The following NEGR1 variants were observed in gnomAD, a reference collection of about 807,000 sequenced individuals.
NEGR1 encodes the protein neuronal growth regulator 1.
A neutral mutation model predicts 40.9 loss-of-function variants in NEGR1; 10 were observed. The ratio of observed to expected loss-of-function variants is 0.24; its 90% CI spans 0.15 to 0.42. NEGR1 has a LOEUF of 0.42. NEGR1 is among the 10% of genes least tolerant of loss of function. The pLI is 1.00. For missense variants in NEGR1, 352 were observed against 438.9 expected (o/e 0.80, Z 1.77); for synonymous variants, 185 against 166.8 (o/e 1.11, Z -0.84).
intron 4 of NEGR1, among the ~76,000 whole-genome samples, chr1:71,677,326 G>A (rs1364715020): frequency 6.6e-6 from 1 of 151,914 alleles, no homozygotes; most frequent in Non-Finnish European, 1.5e-5. Context: ...TTTACTGCAT[G>A]CTTCTTAATG....
chr1:71,652,467 C>T (rs1201324663), intron 4 of NEGR1, among the ~76,000 whole-genome samples: 2 of 152,104 alleles, frequency 1.3e-5, no homozygotes, highest in Non-Finnish European at 2.9e-5. Context: ...GCAGCACAGC[C>T]ATTTTTTATA....
chr1:72,116,151 C>T (rs568017922), intron 1 of NEGR1, among the ~76,000 whole-genome samples: 2 of 151,794 alleles, frequency 1.3e-5, no homozygotes, highest in South Asian at 4.1e-4. Flanking sequence ...AAAAGAGATA[C>T]AGTAAAAGTT....
chr1:71,918,448 C>A (rs560266874), intron 2 of NEGR1, among the ~76,000 whole-genome samples: 2 of 151,724 alleles, frequency 1.3e-5, no homozygotes, highest in Non-Finnish European at 2.9e-5. Flanking sequence ...GATGGATGAG[C>A]CTTCAATGGT....
chr1:72,107,849 A>G (rs1210900804), intron 1 of NEGR1, among the ~76,000 whole-genome samples: 2 of 151,448 alleles, frequency 1.3e-5, no homozygotes, highest in African/African-American at 4.8e-5. Context: ...ACACATATAC[A>G]TGGGTATATA....
intron 2 of NEGR1, among the ~76,000 whole-genome samples, chr1:71,928,417 T>C (rs1167565858): frequency 7.1e-6 from 1 of 140,984 alleles, no homozygotes. Flanking sequence ...TATGTATATA[T>C]ACACACATAT....
At chr1:71,841,189 T>C (rs1216080843) in intron 2 of NEGR1, among the ~76,000 whole-genome samples, 2 of 152,106 alleles carry the variant, frequency 1.3e-5, no homozygotes, top group Non-Finnish European at 2.9e-5. Flanking sequence ...ACATGAAGAA[T>C]CCTATGAGAA....
At chr1:71,939,667 A>G (rs1467895115) in intron 1 of NEGR1, among the ~76,000 whole-genome samples, 1 of 152,108 alleles carries the variant, frequency 6.6e-6, no homozygotes, top group Non-Finnish European at 1.5e-5. Flanking sequence ...AGTGATCAGA[A>G]AAAAAGGCAA....
In NEGR1 at chr1:71,928,354, A is replaced by ATATG. The variant is rs1177282974; in HGVS notation, c.409+6724_409+6725insCATA. Among the ~76,000 whole-genome samples, 2 of 54,848 alleles carry ATATG rather than the reference A, an allele frequency of 3.6e-5. 1 individual carries two copies. Among genetic ancestry groups the ATATG allele is most frequent in the African/African-American group, 1.9e-4 (2 of 10,658 alleles). 36.0% of individuals were successfully genotyped at this position (54,848 alleles called of 152,430 possible). The stretch of plus-strand genomic sequence containing the variant: ...TATGTATATATACACACATGTGTAT[A>ATATG]TATATATACACATATGTATATATGT... On this transcript the variant is annotated intron_variant, in intron 2 of 6. Coordinates refer to ENST00000357731, the MANE Select transcript of NEGR1 (RefSeq NM_173808.3).
At chr1:71,702,231 T>C (rs1288730595) in intron 3 of NEGR1, among the ~76,000 whole-genome samples, 1 of 152,120 alleles carries the variant, frequency 6.6e-6, no homozygotes, top group African/African-American at 2.4e-5. Context: ...ATTCATTCAA[T>C]GGATATTACT....
At chr1:71,613,420 G>A (rs1455524088) in intron 4 of NEGR1, among the ~76,000 whole-genome samples, 1 of 152,114 alleles carries the variant, frequency 6.6e-6, no homozygotes, top group African/African-American at 2.4e-5. Context: ...GCCGAGGCGG[G>A]TGGATCACCT....
chr1:72,134,626 G>C (rs181298049), intron 1 of NEGR1, among the ~76,000 whole-genome samples: 94 of 127,298 alleles, frequency 7.4e-4, no homozygotes, highest in African/African-American at 2.5e-3. Context: ...ATAAGATCTA[G>C]ATAAGATTAG....
chr1:72,124,470 A>C (rs1415641772), intron 1 of NEGR1, among the ~76,000 whole-genome samples: 1 of 152,048 alleles, frequency 6.6e-6, no homozygotes, highest in Non-Finnish European at 1.5e-5. Flanking sequence ...CCAAACAATG[A>C]CAGCAACAAA....
chr1:72,003,155 T>G (rs1646572439), intron 1 of NEGR1, among the ~76,000 whole-genome samples: 1 of 152,058 alleles, frequency 6.6e-6, no homozygotes, highest in Non-Finnish European at 1.5e-5. Context: ...AGGAATAACC[T>G]AAAGTATGTG....
intron 6 of NEGR1, among the ~76,000 whole-genome samples, chr1:71,416,203 C>T (rs1407623696): frequency 6.6e-6 from 1 of 152,056 alleles, no homozygotes; most frequent in Admixed American, 6.5e-5. Context: ...AAGTTGAATG[C>T]GTTTTTATGA....
At chr1:71,869,978 C>T (rs1242154299) in intron 2 of NEGR1, among the ~76,000 whole-genome samples, 1 of 151,284 alleles carries the variant, frequency 6.6e-6, no homozygotes, top group Non-Finnish European at 1.5e-5. Flanking sequence ...CTCCCGGGTT[C>T]ATGTGATTTT....
chr1:71,991,270 A>T (rs1646448308), intron 1 of NEGR1, among the ~76,000 whole-genome samples: 1 of 151,992 alleles, frequency 6.6e-6, no homozygotes. Context: ...CCTCCTCTAT[A>T]ATCTTCTTAA....
intron 3 of NEGR1, among the ~76,000 whole-genome samples, chr1:71,741,715 T>A (rs1474545573): frequency 6.6e-6 from 1 of 152,190 alleles, no homozygotes; most frequent in Non-Finnish European, 1.5e-5. Flanking sequence ...GGAGGTTTAA[T>A]TGGCTTATCG....
intron 4 of NEGR1, among the ~76,000 whole-genome samples, chr1:71,662,842 T>G (rs1652111711): frequency 6.6e-6 from 1 of 152,014 alleles, no homozygotes; most frequent in Admixed American, 6.6e-5. Context: ...TATGTACACA[T>G]GACAACTTTT....
intron 1 of NEGR1, among the ~76,000 whole-genome samples, chr1:72,223,469 T>G (rs556444309): frequency 6.6e-6 from 1 of 152,190 alleles, no homozygotes; most frequent in Non-Finnish European, 1.5e-5. Flanking sequence ...CTTGATAACC[T>G]AAAAATCTAT....
Sources: allele counts gnomAD v4.1 joint callset (sites outside exome capture counted in the v4.1 genomes callset), GRCh38; gene constraint gnomAD v4.1.1; transcripts MANE v1.5; gene names NCBI Gene and HGNC (gene_info 2026-07-23, HGNC 2026-07-21).